TSHR: variants seen among roughly 807,000 people sequenced by gnomAD.
TSHR encodes the protein thyrotropin receptor.
TSHR carries 51 observed loss-of-function variants against 64.1 expected under a neutral mutation model. The observed-to-expected ratio is 0.80, with a 90% CI of 0.64 to 1.01. The LOEUF (loss-of-function observed/expected upper bound fraction) is 1.01, where lower values mean the gene tolerates loss of function less well. Ranked by LOEUF, TSHR falls within the 50% of genes least tolerant of loss-of-function variation. The pLI is 0.00. For missense variants in TSHR, 877 were observed against 942.8 expected, an observed-to-expected ratio of 0.93 and a Z score of 0.91; for synonymous variants, 361 against 361.9, an observed-to-expected ratio of 1.00 and a Z score of 0.03.
intron 1 of TSHR, chr14:80,982,329 G>T: frequency 8.3e-7 from 1 of 1,197,768 alleles, no homozygotes; most frequent in Non-Finnish European, 1.2e-6. Context: ...TCTGGGCTGA[G>T]GAAGAGGCCA....
At chr14:81,033,358 G>A (rs563131665) in intron 1 of TSHR, 2 of 287,718 alleles carry the variant, frequency 7.0e-6, no homozygotes, top group African/African-American at 4.6e-5. Flanking sequence ...GAAAGTGAAT[G>A]ACAGGGGCCA....
chr14:81,104,603 C>T (rs1378349175), intron 7 of TSHR: 2 of 985,354 alleles, frequency 2.0e-6, no homozygotes, highest in African/African-American at 1.7e-5. Context: ...ACTGAATGGC[C>T]GCTATGTGCC....
intron 1 of TSHR, among the ~76,000 whole-genome samples, chr14:81,045,266 A>G (rs1283868711): frequency 6.6e-6 from 1 of 152,202 alleles, no homozygotes; most frequent in Non-Finnish European, 1.5e-5. Context: ...TGTACAATGC[A>G]TTAGGGAGAA....
intron 1 of TSHR, among the ~76,000 whole-genome samples, chr14:80,968,663 G>A (rs1022684255): frequency 1.3e-5 from 2 of 152,162 alleles, no homozygotes; most frequent in African/African-American, 4.8e-5. Flanking sequence ...TAGTTGCCTT[G>A]TTCTTGTCAT....
chr14:81,143,343 C>G lies in TSHR; in HGVS notation c.1285C>G (p.Leu429Val), dbSNP rs1271370001. The G allele has an allele frequency of 6.2e-7, 1 of 1,614,190 alleles. No individual in the cohort carries two copies. The highest frequency in any genetic ancestry group is 2.2e-5 in the East Asian group (1 of 44,880). ...GGTGTGGTTCGTTAGTCTGCTGGCT[C>G]TCCTGGGCAATGTCTTTGTCCTGCT... ...IVVWFVSLLALLGNVFVLLIL... is the reference protein window; with the variant it reads ...IVVWFVSLLAVLGNVFVLLIL... Residue 429 changes from leucine (L) to valine (V), a missense_variant, in exon 10 of 10, where the codon CTC becomes GTC. By Grantham distance (32) the Leu-to-Val change is conservative (BLOSUM62 1). Coordinates refer to ENST00000298171, the MANE Select transcript of TSHR (RefSeq NM_000369.5).
At chr14:81,029,523 G>T (rs1025879989) in intron 1 of TSHR, among the ~76,000 whole-genome samples, 26 of 152,076 alleles carry the variant, frequency 1.7e-4, no homozygotes, top group Non-Finnish European at 3.4e-4. Flanking sequence ...ATGATGGAGA[G>T]AAAATAAGTA....
At position 81,108,419 on chromosome 14, in the gene TSHR, C is replaced by A. The variant is rs530605964; in HGVS notation, c.659C>A (p.Ala220Glu). The A allele has an allele frequency of 6.2e-7, 1 of 1,613,280 alleles. No homozygotes were observed. The highest frequency in any genetic ancestry group is 1.1e-5 in the South Asian group (1 of 91,022). ...NKYLTVIDKD[A>E]FGGVYSGPSL... ...TACCTGACAGTTATTGACAAAGATGCATTTGGAGGAGTATACAGTGGACCA... is the reference window on the plus strand; with the variant it reads ...TACCTGACAGTTATTGACAAAGATGAATTTGGAGGAGTATACAGTGGACCA... The change falls in exon 8 of 10, where the codon GCA (alanine) becomes GAA (glutamate). Residue 220 changes from alanine to glutamate, a missense_variant. Coordinates refer to ENST00000298171, the MANE Select transcript of TSHR (RefSeq NM_000369.5).
chr14:80,972,287 C>G (rs1168110985), intron 1 of TSHR, among the ~76,000 whole-genome samples: 4 of 151,958 alleles, frequency 2.6e-5, no homozygotes, highest in African/African-American at 9.7e-5. Flanking sequence ...TATCATTGTT[C>G]TGTGGGGTTT....
intron 1 of TSHR, among the ~76,000 whole-genome samples, chr14:80,973,651 G>C (rs553258929): frequency 6.6e-6 from 1 of 152,182 alleles, no homozygotes; most frequent in Non-Finnish European, 1.5e-5. Context: ...CTCTTTTAGA[G>C]TCAATATTCA....
chr14:81,062,052 T>C, intron 1 of TSHR, 96 bp from the exon 2 acceptor site: 1 of 1,097,820 alleles, frequency 9.1e-7, no homozygotes, highest in Admixed American at 2.0e-5. Flanking sequence ...TTGTGAAAAC[T>C]GTCATGCTTT....
At chr14:81,031,432 G>A (rs1444139515) in intron 1 of TSHR, among the ~76,000 whole-genome samples, 2 of 151,998 alleles carry the variant, frequency 1.3e-5, no homozygotes, top group Non-Finnish European at 2.9e-5. Context: ...AATATGTATT[G>A]TCTAGGAATT....
chr14:81,001,495 C>T (rs987272325), intron 1 of TSHR: 6 of 516,768 alleles, frequency 1.2e-5, no homozygotes, highest in Non-Finnish European at 1.9e-5. Flanking sequence ...CCCTTAAGTT[C>T]GGCATTTCTC....
intron 9 of TSHR, 146 bp downstream of exon 9, chr14:81,140,013 A>G (rs1291353954): frequency 6.1e-6 from 7 of 1,152,772 alleles, no homozygotes; most frequent in Non-Finnish European, 8.8e-6. Flanking sequence ...AATCCATGGG[A>G]CACAGTGACC....
intron 1 of TSHR, among the ~76,000 whole-genome samples, chr14:80,973,403 CAAAAAAAAAAAAAA>C (rs58316010): frequency 1.9e-5 from 1 of 51,470 alleles, no homozygotes; most frequent in African/African-American, 7.6e-5. Context: ...GACGCTGTCT[CAAAAAAAAAAAAAA>C]AAAAAAAAAA....
chr14:81,082,081 C>G (rs796228107), intron 3 of TSHR, among the ~76,000 whole-genome samples: 2 of 152,028 alleles, frequency 1.3e-5, no homozygotes, highest in Non-Finnish European at 1.5e-5. Flanking sequence ...CTTGATAATA[C>G]TATTTAATGT....
At chr14:80,990,249 C>T (rs1888658632) in intron 1 of TSHR, among the ~76,000 whole-genome samples, 2 of 152,194 alleles carry the variant, frequency 1.3e-5, no homozygotes, top group Non-Finnish European at 2.9e-5. Flanking sequence ...AACCTGGAAA[C>T]CCAGCAGGGA....
intron 1 of TSHR, among the ~76,000 whole-genome samples, chr14:81,017,676 T>C (rs1883490537): frequency 6.6e-6 from 1 of 152,118 alleles, no homozygotes; most frequent in Non-Finnish European, 1.5e-5. Context: ...ACTCTCGTGA[T>C]TGAACCTCTG....
At chr14:81,086,108 T>G (rs975646155) in intron 3 of TSHR, among the ~76,000 whole-genome samples, 1 of 152,218 alleles carries the variant, frequency 6.6e-6, no homozygotes, top group Non-Finnish European at 1.5e-5. Context: ...GATTTGGAAG[T>G]GAGGAGTTCT....
chr14:81,096,490 T>C, intron 6 of TSHR, 149 bp from the exon 7 acceptor site: 1 of 721,376 alleles, frequency 1.4e-6, no homozygotes. Flanking sequence ...CAACTTGTAC[T>C]GGAAAGTTTT....
Sources: allele counts gnomAD v4.1 joint callset (sites outside exome capture counted in the v4.1 genomes callset), GRCh38; gene constraint gnomAD v4.1.1; transcripts MANE v1.5; gene names NCBI Gene and HGNC (gene_info 2026-07-23, HGNC 2026-07-21).